Variants in MSI2 observed in about 807,000 individuals in gnomAD.
The protein encoded by MSI2 is RNA-binding protein Musashi homolog 2.
A neutral mutation model predicts 45.6 loss-of-function variants in MSI2; 17 were observed. The observed-to-expected ratio is 0.37, with a 90% CI of 0.26 to 0.56. The LOEUF is 0.56. MSI2 is among the 20% of genes least tolerant of loss of function. The probability of loss-of-function intolerance (pLI) is 0.77; values close to 1 mark genes in which losing one functional copy is unlikely to be tolerated. For missense variants in MSI2, 293 were observed against 444.2 expected (o/e 0.66, Z 3.06); for synonymous variants, 156 against 158.2 (o/e 0.99, Z 0.11).
intron 8 of MSI2, among the ~76,000 whole-genome samples, chr17:57,609,081 A>ACT (rs2144531492): frequency 6.6e-6 from 1 of 152,290 alleles, no homozygotes; most frequent in South Asian, 2.1e-4. Flanking sequence ...TAGGCAAGAC[A>ACT]CTTTACACTT....
chr17:57,676,396 C>T (rs1462546085), intron 12 of MSI2, among the ~76,000 whole-genome samples: 1 of 152,242 alleles, frequency 6.6e-6, no homozygotes, highest in African/African-American at 2.4e-5. Context: ...AATCTAATCC[C>T]TTCGGATCAA....
At chr17:57,305,197 C>T (rs1415952839) in intron 5 of MSI2, among the ~76,000 whole-genome samples, 5 of 152,102 alleles carry the variant, frequency 3.3e-5, no homozygotes, top group East Asian at 1.9e-4. Context: ...CAGAATCCCA[C>T]GGTGTGAGTT....
chr17:57,671,065 C>T (rs577408913), intron 11 of MSI2, among the ~76,000 whole-genome samples: 2 of 152,186 alleles, frequency 1.3e-5, no homozygotes, highest in East Asian at 3.9e-4. Context: ...ATTGCTGCCT[C>T]TCTGTGGGTG....
intron 11 of MSI2, among the ~76,000 whole-genome samples, chr17:57,661,981 C>T (rs1249492202): frequency 6.6e-6 from 1 of 152,210 alleles, no homozygotes; most frequent in Admixed American, 6.5e-5. Context: ...TTGCATGTGT[C>T]TGCGGGTGGC....
the MSI2 span, among the ~76,000 whole-genome samples, chr17:57,697,183 GCA>G: frequency 4.1e-5 from 2 of 48,304 alleles, no homozygotes; most frequent in Non-Finnish European, 9.3e-5. Context: ...CCTCACATAT[GCA>G]CAGTCAAGTC....
chr17:57,371,212 G>A (rs1270389293), intron 5 of MSI2, among the ~76,000 whole-genome samples: 1 of 152,094 alleles, frequency 6.6e-6, no homozygotes, highest in Non-Finnish European at 1.5e-5. Flanking sequence ...ACAAAACATG[G>A]CAAGGTTGTA....
chr17:57,262,861 A>G (rs1907448454), intron 5 of MSI2, among the ~76,000 whole-genome samples: 1 of 152,358 alleles, frequency 6.6e-6, no homozygotes, highest in East Asian at 1.9e-4. Flanking sequence ...TCGTTAACAT[A>G]GTTTTCACTG....
intron 6 of MSI2, among the ~76,000 whole-genome samples, chr17:57,443,584 C>T (rs2143484707): frequency 6.6e-6 from 1 of 152,222 alleles, no homozygotes; most frequent in East Asian, 1.9e-4. Context: ...CACTGGGTGC[C>T]TAGGAGGGGT....
intron 7 of MSI2, among the ~76,000 whole-genome samples, chr17:57,530,271 A>ATTTTTTG (rs1267283423): frequency 6.6e-6 from 1 of 152,104 alleles, no homozygotes; most frequent in Admixed American, 6.6e-5. Flanking sequence ...TGTCCCATCC[A>ATTTTTTG]CTTTACAAAA....
chr17:57,423,405 C>T (rs889983254), intron 6 of MSI2, among the ~76,000 whole-genome samples: 1 of 152,250 alleles, frequency 6.6e-6, no homozygotes, highest in Admixed American at 6.5e-5. Context: ...TCTTACTTCT[C>T]TGGGCCTTGG....
chr17:57,683,632 C>T lies in MSI2; in HGVS notation c.*4115C>T, dbSNP rs983025754. 11 of 231,256 alleles carry T rather than the reference C, an allele frequency of 4.8e-5. No individual in the cohort carries two copies. Among genetic ancestry groups the T allele is most frequent in the African/African-American group, 1.8e-4 (8 of 44,932 alleles). The allele number at this position is 231,256 out of a possible 1,614,324, so 14.3% of individuals were successfully genotyped here. On this transcript the variant is annotated 3_prime_UTR_variant, in exon 14 of 14. Coordinates refer to ENST00000284073, the MANE Select transcript of MSI2 (RefSeq NM_138962.4). This position sits in a 1 kb window ranked among gnomAD's most constrained non-coding sequence, Gnocchi z 5.2. ...TTCTCTTTATTGGTTGCAAGTGGCA[C>T]GCAGGAACAGAGGGAGAGTGGGGGG...
chr17:57,325,367 G>A (rs1419867787), intron 5 of MSI2, among the ~76,000 whole-genome samples: 1 of 151,730 alleles, frequency 6.6e-6, no homozygotes, highest in Non-Finnish European at 1.5e-5. Context: ...ATGCTATTCA[G>A]CTAACAGGTG....
chr17:57,298,239 G>T (rs1323500961), intron 5 of MSI2, among the ~76,000 whole-genome samples: 3 of 152,174 alleles, frequency 2.0e-5, no homozygotes, highest in African/African-American at 7.2e-5. Context: ...TTGCAGAATG[G>T]ATGTTGGTTA....
chr17:57,258,384 C>T (rs751308687), intron 4 of MSI2, 30 bp downstream of exon 4: 17 of 1,572,972 alleles, frequency 1.1e-5, no homozygotes, highest in Non-Finnish European at 1.4e-5. Flanking sequence ...TGTTGTTCGC[C>T]CCTTTTCAGG....
At chr17:57,396,106 A>G (rs2083883802) in intron 5 of MSI2, among the ~76,000 whole-genome samples, 1 of 151,700 alleles carries the variant, frequency 6.6e-6, no homozygotes, top group Non-Finnish European at 1.5e-5. Flanking sequence ...GGGAATTTGA[A>G]CTCTTTTAAG....
At chr17:57,495,611 A>G (rs1300202716) in intron 6 of MSI2, among the ~76,000 whole-genome samples, 1 of 150,292 alleles carries the variant, frequency 6.7e-6, no homozygotes, top group East Asian at 2.0e-4. Flanking sequence ...CTCTCTTGAT[A>G]TCAGTCTCCA....
chr17:57,350,373 C>T (rs982550215), intron 5 of MSI2, among the ~76,000 whole-genome samples: 3 of 152,100 alleles, frequency 2.0e-5, no homozygotes, highest in African/African-American at 7.2e-5. Flanking sequence ...TTTATTTGTC[C>T]TGCATGAATG....
chr17:57,313,067 G>C (rs1319359115), intron 5 of MSI2, among the ~76,000 whole-genome samples: 4 of 152,106 alleles, frequency 2.6e-5, no homozygotes, highest in Non-Finnish European at 4.4e-5. Flanking sequence ...GGATGGTCTT[G>C]ATCTCTGGAC....
At chr17:57,454,438 CTTT>C (rs35707042) in intron 6 of MSI2, among the ~76,000 whole-genome samples, 1 of 130,120 alleles carries the variant, frequency 7.7e-6, no homozygotes. Flanking sequence ...TTTTCTCTTT[CTTT>C]TTTTTTTTTT....
Sources: allele counts gnomAD v4.1 joint callset (sites outside exome capture counted in the v4.1 genomes callset), GRCh38; gene constraint gnomAD v4.1.1; non-coding constraint Gnocchi (gnomAD v3.1); transcripts MANE v1.5; gene names NCBI Gene and HGNC (gene_info 2026-07-23, HGNC 2026-07-21).